XKR4: variants seen among roughly 807,000 people sequenced by gnomAD.
XKR4 encodes XK related 4, also known as XK-related protein 4.
XKR4 carries 12 observed loss-of-function variants against 53.9 expected under a neutral mutation model. The observed-to-expected ratio is 0.22, with a 90% CI of 0.14 to 0.36. XKR4 has a LOEUF of 0.36. Ranked by LOEUF, XKR4 falls within the 10% of genes least tolerant of loss-of-function variation. The pLI, the probability that XKR4 is intolerant of heterozygous loss-of-function variation, is 1.00. For missense variants in XKR4, 799 were observed against 859.5 expected (o/e 0.93, Z 0.88); for synonymous variants, 354 against 362.4 (o/e 0.98, Z 0.26).
chr8:55,494,769 G>T (rs918144529), intron 2 of XKR4, among the ~76,000 whole-genome samples: 2 of 152,122 alleles, frequency 1.3e-5, no homozygotes, highest in South Asian at 2.1e-4. Context: ...GGGTTTTTAT[G>T]GACCTCAGAC....
At chr8:55,430,597 C>T (rs1805087307) in intron 2 of XKR4, among the ~76,000 whole-genome samples, 1 of 152,162 alleles carries the variant, frequency 6.6e-6, no homozygotes, top group Admixed American at 6.6e-5. Context: ...ATTAATACTC[C>T]AGCTGTGCTA....
At chr8:55,357,115 T>C (rs1396986843) in intron 1 of XKR4, among the ~76,000 whole-genome samples, 2 of 152,190 alleles carry the variant, frequency 1.3e-5, no homozygotes, top group African/African-American at 4.8e-5. Context: ...TTCAACTACA[T>C]TGATATCCCA....
chr8:55,260,406 G>A lies in XKR4; in HGVS notation c.807-97272G>A, dbSNP rs573513299. 2.0e-5 allele frequency among the ~76,000 whole-genome samples: 3 copies of A among 152,306 alleles called. No homozygotes were observed. In the South Asian group the frequency reaches 6.2e-4, roughly 32 times the overall value. On this transcript the variant is annotated intron_variant, in intron 1 of 2. Transcript: ENST00000327381. Reference sequence around the variant, plus strand: ...TGAATTGATTTCTATGAAAGGTATGGAAAAGGCTATTTAGTATTTCCACCA... The same window carrying A: ...TGAATTGATTTCTATGAAAGGTATGAAAAAGGCTATTTAGTATTTCCACCA...
chr8:55,520,922 A>T (rs775786278), intron 2 of XKR4: 1 of 152,234 alleles, frequency 6.6e-6, no homozygotes, highest in Non-Finnish European at 1.5e-5. Context: ...CTGTGTACTT[A>T]AAGTTTTCTT....
intron 1 of XKR4, among the ~76,000 whole-genome samples, chr8:55,312,871 A>G (rs1216402600): frequency 1.3e-5 from 2 of 152,198 alleles, no homozygotes; most frequent in African/African-American, 4.8e-5. Flanking sequence ...AGACAAGGAG[A>G]AAGAGACTGG....
intron 1 of XKR4, among the ~76,000 whole-genome samples, chr8:55,138,281 G>A (rs1313485827): frequency 6.6e-6 from 1 of 152,142 alleles, no homozygotes; most frequent in Non-Finnish European, 1.5e-5. Flanking sequence ...GAAGTCAATG[G>A]AGGCCACAAG....
chr8:55,454,404 C>A (rs569599989), intron 2 of XKR4: 5 of 1,360,320 alleles, frequency 3.7e-6, no homozygotes, highest in Middle Eastern at 1.9e-4. Context: ...AACAGCAATG[C>A]CAGGAGGCTC....
chr8:55,102,860 G>T lies in XKR4; in HGVS notation c.372G>T (p.Ala124=), dbSNP rs753460801. The T allele has an allele frequency of 6.2e-7, 1 of 1,611,942 alleles. No homozygotes were observed. Among genetic ancestry groups the T allele is most frequent in the Non-Finnish European group, 8.5e-7 (1 of 1,179,926 alleles). Residue 124 remains alanine (A), a synonymous_variant, in exon 1 of 3, where the codon GCG becomes GCT. Coordinates refer to ENST00000327381, the MANE Select transcript of XKR4 (RefSeq NM_052898.2). This position sits in a 1 kb window ranked among gnomAD's most constrained non-coding sequence, Gnocchi z 5.1. ...WILAAVAVYF[A]DVGTDVWLAV... ...TGGCCGCCGTGGCCGTGTACTTCGC[G>T]GACGTGGGCACAGACGTCTGGCTCG...
chr8:55,125,671 G>A (rs1428871957), intron 1 of XKR4, among the ~76,000 whole-genome samples: 2 of 152,028 alleles, frequency 1.3e-5, no homozygotes, highest in African/African-American at 2.4e-5. Context: ...AAACACAAAA[G>A]CCTATTTTCC....
At chr8:55,113,801 C>T (rs1816266805) in intron 1 of XKR4, among the ~76,000 whole-genome samples, 1 of 152,118 alleles carries the variant, frequency 6.6e-6, no homozygotes, top group South Asian at 2.1e-4. Flanking sequence ...TTGTTTAGCT[C>T]CTACTTAGAA....
At chr8:55,263,084 C>T (rs1454802402) in intron 1 of XKR4, among the ~76,000 whole-genome samples, 1 of 152,190 alleles carries the variant, frequency 6.6e-6, no homozygotes, top group Non-Finnish European at 1.5e-5. Context: ...TTCAGTTCAG[C>T]CCCCTCTCTC....
intron 1 of XKR4, among the ~76,000 whole-genome samples, chr8:55,261,519 G>T (rs1054473584): frequency 6.6e-6 from 1 of 152,154 alleles, no homozygotes; most frequent in East Asian, 1.9e-4. Context: ...ATTCCTTTGC[G>T]CCCAAGCCAA....
Position 55,541,817 on chromosome 8 carries a change from G to A in XKR4, c.*17590G>A, listed in dbSNP as rs891619771. 2 of 152,108 alleles carry A rather than the reference G, an allele frequency of 1.3e-5. No individual in the cohort carries two copies. The highest frequency in any genetic ancestry group is 2.9e-5 in the Non-Finnish European group (2 of 68,032). 9.4% of individuals were successfully genotyped at this position (152,108 alleles called of 1,614,324 possible). A position where few individuals can be genotyped will look rare whatever the true frequency, so the allele number is the denominator to read the frequency against. On this transcript the variant is annotated 3_prime_UTR_variant, in exon 3 of 3. Coordinates refer to ENST00000327381, the MANE Select transcript of XKR4 (RefSeq NM_052898.2). Reference sequence around the variant, plus strand: ...TCCCTTTAGCGTTCAGATTGTAAGTGTGTCTTTATTCGCGGGAGGCCACTG... The same window carrying A: ...TCCCTTTAGCGTTCAGATTGTAAGTATGTCTTTATTCGCGGGAGGCCACTG...
chr8:55,497,028 G>A (rs1049624500), intron 2 of XKR4, among the ~76,000 whole-genome samples: 1 of 152,148 alleles, frequency 6.6e-6, no homozygotes, highest in East Asian at 1.9e-4. Flanking sequence ...TCAATGTCCG[G>A]TAAATACATC....
chr8:55,205,613 A>G (rs1817636249), intron 1 of XKR4, among the ~76,000 whole-genome samples: 1 of 152,230 alleles, frequency 6.6e-6, no homozygotes, highest in African/African-American at 2.4e-5. Flanking sequence ...AAAAATCAAC[A>G]TTGTTTAATT....
intron 1 of XKR4, 50 bp downstream of exon 1, chr8:55,103,344 C>T (rs748513142): frequency 3.3e-6 from 5 of 1,535,706 alleles, no homozygotes; most frequent in Non-Finnish European, 4.4e-6. Flanking sequence ...CTACTACATC[C>T]CCACTGCTTT....
At chr8:55,418,474 C>A (rs990770017) in intron 2 of XKR4, among the ~76,000 whole-genome samples, 2 of 152,148 alleles carry the variant, frequency 1.3e-5, no homozygotes, top group African/African-American at 2.4e-5. Flanking sequence ...AAAAATAGGT[C>A]CAGAATTCAG....
rs77515995 is a variant in XKR4 at position 55,524,382 on chromosome 8, C to T, written c.*155C>T. ...ATCATTTGATCCTGTCGGCTGGGGGCGGCTGGTCTCCTTCCAAAGCAGCTG... is the reference window on the plus strand; with the variant it reads ...ATCATTTGATCCTGTCGGCTGGGGGTGGCTGGTCTCCTTCCAAAGCAGCTG... On this transcript the variant is annotated 3_prime_UTR_variant, in exon 3 of 3. Coordinates refer to ENST00000327381, the MANE Select transcript of XKR4 (RefSeq NM_052898.2). 4.3e-3 allele frequency: 3,264 copies of T among 762,108 alleles called. 63 individuals are homozygous for T. In the African/African-American group the frequency reaches 0.051, roughly 12 times the overall value. The allele number at this position is 762,108 out of a possible 1,614,324, so 47.2% of individuals were successfully genotyped here.
At chr8:55,344,486 A>C (rs1803605975) in intron 1 of XKR4, among the ~76,000 whole-genome samples, 1 of 151,328 alleles carries the variant, frequency 6.6e-6, no homozygotes, top group African/African-American at 2.4e-5. Flanking sequence ...AATTTCTGCC[A>C]GTAGCCTCTT....
Sources: gnomAD v4.1 joint callset for allele counts (sites outside exome capture counted in the v4.1 genomes callset) on GRCh38, gnomAD v4.1.1 for gene constraint, Gnocchi (gnomAD v3.1) non-coding constraint, MANE v1.5 for transcripts, NCBI Gene and HGNC (gene_info 2026-07-23, HGNC 2026-07-21) for gene names.